The following OXNAD1 variants were observed in gnomAD, a reference collection of about 807,000 sequenced individuals.
The protein encoded by OXNAD1 is oxidoreductase NAD binding domain containing 1, also known as oxidoreductase NAD-binding domain-containing protein 1.
In OXNAD1, 34 loss-of-function variants were observed where a neutral mutation model predicts 32.9. The ratio of observed to expected loss-of-function variants is 1.03; its 90% CI spans 0.79 to 1.38. The LOEUF is 1.38. OXNAD1 is among the 40% of genes most tolerant of loss of function. The pLI, the probability that OXNAD1 is intolerant of heterozygous loss-of-function variation, is 0.00. For missense variants in OXNAD1, 407 were observed against 379.4 expected, an observed-to-expected ratio of 1.07 and a Z score of -0.60; for synonymous variants, 134 against 135.2, an observed-to-expected ratio of 0.99 and a Z score of 0.06.
chr3:16,276,470 C>A, intron 4 of OXNAD1: 1 of 195,164 alleles, frequency 5.1e-6, no homozygotes, highest in South Asian at 1.0e-4. Context: ...GTGAAATGGT[C>A]ACTACATAGT....
rs1272866957 is a variant in OXNAD1, at chr3:16,271,053, G to GC, written c.103dup (p.His35ProfsTer15). On this transcript the variant is annotated frameshift_variant, in exon 3 of 9. Transcript: ENST00000285083. LOFTEE classifies it high-confidence loss of function. The surrounding 1 kb of genome is among the most constrained non-coding windows in gnomAD (Gnocchi z 4.6). ...CTGAGATTGACACTCAGCACTTTGC[G>GC]CCACCTTACTCTAACCAGGTGAGTC... The GC allele has an allele frequency of 1.2e-5, 19 of 1,613,864 alleles. No homozygotes were observed. Among genetic ancestry groups the GC allele is most frequent in the Non-Finnish European group, 1.4e-5 (17 of 1,179,984 alleles).
downstream of OXNAD1, among the ~76,000 whole-genome samples, chr3:16,306,802 AGTG>A (rs1348215450): frequency 6.6e-6 from 1 of 152,184 alleles, no homozygotes; most frequent in Non-Finnish European, 1.5e-5. Context: ...TGTATTATAA[AGTG>A]GTGTGCTTCC....
At chr3:16,351,980 T>C (rs2072134944), downstream of OXNAD1, among the ~76,000 whole-genome samples, 1 of 152,164 alleles carries the variant, frequency 6.6e-6, no homozygotes, top group Admixed American at 6.5e-5. This position sits in a 1 kb window ranked among gnomAD's most constrained non-coding sequence, Gnocchi z 5.4. Context: ...TTGGGTGTGG[T>C]TTATATGAGA....
chr3:16,317,566 AGAG>A lies in OXNAD1; in HGVS notation c.*30+13978_*30+13980del, dbSNP rs1192429158. ...CCTATCATTTGGAGGGCCAGGATGG[AGAG>A]GAGATGTGAGGCCTGCCCCCAGTAA... is the stretch of plus-strand genomic sequence containing the variant. On this transcript the variant is annotated intron_variant, in intron 9 of 9. Coordinates refer to the OXNAD1 transcript ENST00000435829. This position sits in a 1 kb window ranked among gnomAD's most constrained non-coding sequence, Gnocchi z 4.3. Among the ~76,000 whole-genome samples the A allele has an allele frequency of 6.6e-6, 1 of 152,174 alleles. No individual in the cohort carries two copies. Among genetic ancestry groups the A allele is most frequent in the Non-Finnish European group, 1.5e-5 (1 of 68,034 alleles).
Position 16,271,091 on chromosome 3 carries a change from G to C in OXNAD1, c.119+20G>C. The C allele has an allele frequency of 6.2e-7, 1 of 1,611,406 alleles. No homozygotes were observed. The highest frequency in any genetic ancestry group is 8.5e-7 in the Non-Finnish European group (1 of 1,178,774). On this transcript the variant is annotated intron_variant, in intron 3 of 8. Transcript: ENST00000285083. This position sits in a 1 kb window ranked among gnomAD's most constrained non-coding sequence, Gnocchi z 4.6. ...AACCAGGTGAGTCATTAAGACTTCT[G>C]TGTCATTTGAAGTTAATTTTCAAAG... is the stretch of plus-strand genomic sequence containing the variant.
Position 16,302,738 on chromosome 3 carries a change from A to T in OXNAD1, c.774A>T (p.Pro258=). Residue 258 remains proline (P), a synonymous_variant, in exon 8 of 9, where the codon CCA becomes CCT. Transcript: ENST00000285083. This position sits in a 1 kb window ranked among gnomAD's most constrained non-coding sequence, Gnocchi z 4.2. ...CACAAATCAATGCGGAACTCAAGCC[A>T]TACATCACGGGTGAGTCCCCTAAAG... The part of the protein sequence containing the change: ...QTTQINAELK[P]YITEGRITEK... The T allele has an allele frequency of 6.2e-7, 1 of 1,609,492 alleles. No homozygotes were observed. Among genetic ancestry groups the T allele is most frequent in the Non-Finnish European group, 8.5e-7 (1 of 1,176,080 alleles).
At position 16,345,265 on chromosome 3, in the gene OXNAD1, TGTG is replaced by T. The variant is rs2071572805; in HGVS notation, c.*31-3910_*31-3908del. On this transcript the variant is annotated intron_variant, in intron 9 of 9. Transcript: ENST00000606098. The surrounding 1 kb of genome is among the most constrained non-coding windows in gnomAD (Gnocchi z 5.2). ...AACTGTAAGATAATAAGTAGGTGGT[TGTG>T]TGTGTGTGTGTGTGTGTGTGTGTGT... 1.5e-3 allele frequency: 2 copies of T among 1,314 alleles called. No individual in the cohort carries two copies. Among genetic ancestry groups the T allele is most frequent in the Admixed American group, 0.026 (2 of 76 alleles). 0.1% of individuals were successfully genotyped at this position (1,314 alleles called of 1,614,324 possible). A position where few individuals can be genotyped will look rare whatever the true frequency, so the allele number is the denominator to read the frequency against.
At chr3:16,268,040 G>A (rs1377949299) in intron 1 of OXNAD1, among the ~76,000 whole-genome samples, 8 of 152,148 alleles carry the variant, frequency 5.3e-5, no homozygotes, top group Non-Finnish European at 1.2e-4. Flanking sequence ...TACAGACATT[G>A]ATGGGATGGT....
chr3:16,334,141 G>A lies in OXNAD1; in HGVS notation c.*31-2971G>A, dbSNP rs2070620086. On this transcript the variant is annotated intron_variant, in intron 9 of 9. Coordinates refer to the OXNAD1 transcript ENST00000435829. The surrounding 1 kb of genome is among the most constrained non-coding windows in gnomAD (Gnocchi z 4.3). ...GATCGTGCCACTGCACTCCAGCCTG[G>A]GCGACAGAGCAAGACTCTGTCTCAA... Among the ~76,000 whole-genome samples, 1 of 152,118 alleles carries A rather than the reference G, an allele frequency of 6.6e-6. No homozygotes were observed. Among genetic ancestry groups the A allele is most frequent in the Non-Finnish European group, 1.5e-5 (1 of 68,012 alleles).
At chr3:16,266,204 T>A (rs2064486405) in intron 1 of OXNAD1, among the ~76,000 whole-genome samples, 1 of 152,208 alleles carries the variant, frequency 6.6e-6, no homozygotes, top group Non-Finnish European at 1.5e-5. Context: ...TGATATAAGA[T>A]CCTTTTTAGA....
chr3:16,278,765 C>A (rs2065535213), intron 4 of OXNAD1, among the ~76,000 whole-genome samples: 1 of 152,198 alleles, frequency 6.6e-6, no homozygotes. Context: ...GGGGGAGATA[C>A]TGATGGCAGA....
chr3:16,275,982 T>C (rs1366335642), intron 4 of OXNAD1: 1 of 153,978 alleles, frequency 6.5e-6, no homozygotes, highest in Non-Finnish European at 1.4e-5. Context: ...AACTGATGTT[T>C]CCAACGTAGA....
chr3:16,280,343 T>C lies in OXNAD1; in HGVS notation c.184-5999T>C, dbSNP rs2065654384. 6.6e-6 allele frequency among the ~76,000 whole-genome samples: 1 copy of C among 152,180 alleles called. No homozygotes were observed. Reference sequence around the variant, plus strand: ...GGTAGGAGTAAAGTGAGTTTACTTGTCATTCTAGGGCATAGTGTTAACCAG... The same window carrying C: ...GGTAGGAGTAAAGTGAGTTTACTTGCCATTCTAGGGCATAGTGTTAACCAG... On this transcript the variant is annotated intron_variant, in intron 4 of 8. Coordinates refer to ENST00000285083, the MANE Select transcript of OXNAD1 (RefSeq NM_138381.5). The surrounding 1 kb of genome is among the most constrained non-coding windows in gnomAD (Gnocchi z 4.5).
Position 16,322,682 on chromosome 3 carries a change from A to C in OXNAD1, c.*31-14430A>C, listed in dbSNP as rs370920831. ...ATCATCTGGCACAAGGGTTGCCGACACTTGCACCTCGTACAGCCCTTGTGC... is the reference window on the plus strand; with the variant it reads ...ATCATCTGGCACAAGGGTTGCCGACCCTTGCACCTCGTACAGCCCTTGTGC... On this transcript the variant is annotated intron_variant, in intron 9 of 9. Transcript: ENST00000435829. This position sits in a 1 kb window ranked among gnomAD's most constrained non-coding sequence, Gnocchi z 6.2. 1.1e-3 allele frequency among the ~76,000 whole-genome samples: 162 copies of C among 152,306 alleles called. 2 individuals are homozygous for C. The highest frequency in any genetic ancestry group is 3.6e-3 in the African/African-American group (150 of 41,572).
rs1387955179 is a variant in OXNAD1 at position 16,302,626 on chromosome 3, G to GT, written c.676-11dup. ...TTAAAATTGTAGTGTGACCAAATAT[G>GT]TTTGACATTCCAGAAAAATATCCTT... On this transcript the variant is annotated splice_polypyrimidine_tract_variant and intron_variant, in intron 7 of 8. Coordinates refer to ENST00000285083, the MANE Select transcript of OXNAD1 (RefSeq NM_138381.5). The surrounding 1 kb of genome is among the most constrained non-coding windows in gnomAD (Gnocchi z 4.2). 3 of 1,574,816 alleles carry GT rather than the reference G, an allele frequency of 1.9e-6. No individual in the cohort carries two copies. In the East Asian group the frequency reaches 6.8e-5, roughly 36 times the overall value.
At chr3:16,279,538 T>C (rs2065600005) in intron 4 of OXNAD1, among the ~76,000 whole-genome samples, 1 of 151,550 alleles carries the variant, frequency 6.6e-6, no homozygotes. Flanking sequence ...TGAGGCCACG[T>C]AGAGAGTAAG....
chr3:16,295,800 G>A (rs2066748040), intron 6 of OXNAD1, among the ~76,000 whole-genome samples: 1 of 152,004 alleles, frequency 6.6e-6, no homozygotes, highest in Non-Finnish European at 1.5e-5. Flanking sequence ...TATAAATATG[G>A]CTTCAAAAAC....
chr3:16,313,422 C>T (rs1332628342), intron 9 of OXNAD1, among the ~76,000 whole-genome samples: 3 of 152,038 alleles, frequency 2.0e-5, no homozygotes, highest in Non-Finnish European at 4.4e-5. Context: ...AGACCTGCTC[C>T]TGTCTCATTG....
In OXNAD1 at chr3:16,297,517, G is replaced by A. The variant is rs1159918096; in HGVS notation, c.432+2520G>A. On this transcript the variant is annotated intron_variant, in intron 6 of 8. Transcript: ENST00000285083. The surrounding 1 kb of genome is among the most constrained non-coding windows in gnomAD (Gnocchi z 4.3). ...CTTCTGAGTGTCTTAGAGAAATGAAGGCTATGTTTATATAAAAGCATAACA... is the reference window on the plus strand; with the variant it reads ...CTTCTGAGTGTCTTAGAGAAATGAAAGCTATGTTTATATAAAAGCATAACA... Among the ~76,000 whole-genome samples, 3 of 152,090 alleles carry A rather than the reference G, an allele frequency of 2.0e-5. No homozygotes were observed. Among genetic ancestry groups the A allele is most frequent in the Non-Finnish European group, 4.4e-5 (3 of 68,012 alleles).
Sources: allele counts gnomAD v4.1 joint callset (sites outside exome capture counted in the v4.1 genomes callset), GRCh38; gene constraint gnomAD v4.1.1; non-coding constraint Gnocchi (gnomAD v3.1); transcripts MANE v1.5; gene names NCBI Gene and HGNC (gene_info 2026-07-23, HGNC 2026-07-21).